The following FHIT variants were observed in gnomAD, a reference collection of about 807,000 sequenced individuals.
The protein encoded by FHIT is fragile histidine triad diadenosine triphosphatase.
FHIT carries 19 observed loss-of-function variants against 17.9 expected under a neutral mutation model. That is an observed-to-expected ratio of 1.06 (90% CI 0.74 to 1.56). The LOEUF (loss-of-function observed/expected upper bound fraction) is 1.56, where lower values mean the gene tolerates loss of function less well. FHIT is among the 40% of genes most tolerant of loss of function. The pLI is 0.00. For synonymous variants in FHIT, 81 were observed against 69.7 expected (o/e 1.16, Z -0.81); for missense variants, 248 against 189.2 (o/e 1.31, Z -1.82).
rs564535105 is a variant in FHIT, at chr3:60,516,696, C to G, written c.103+20164G>C. On this transcript the variant is annotated intron_variant, in intron 5 of 9. Coordinates refer to ENST00000492590, the MANE Select transcript of FHIT (RefSeq NM_002012.4). Reference sequence around the variant, plus strand: ...ATTAATATTTATCAAATGCCTAGAACAATCTCAGAGCATAAATATTATATG... The same window carrying G: ...ATTAATATTTATCAAATGCCTAGAAGAATCTCAGAGCATAAATATTATATG... Among the ~76,000 whole-genome samples, 210 of 152,282 alleles carry G rather than the reference C, an allele frequency of 1.4e-3. 1 individual carries two copies. Among genetic ancestry groups the G allele is most frequent in the African/African-American group, 4.7e-3 (194 of 41,560 alleles).
intron 5 of FHIT, among the ~76,000 whole-genome samples, chr3:60,521,718 T>A (rs1201727204): frequency 6.6e-6 from 1 of 152,180 alleles, no homozygotes; most frequent in African/African-American, 2.4e-5. Context: ...CAAAAAAGAA[T>A]AAATGACCTA....
At chr3:60,009,163 TTATGTGTGTGTG>T (rs749146296) in intron 7 of FHIT, among the ~76,000 whole-genome samples, 6,489 of 128,766 alleles carry the variant, frequency 0.05, 362 homozygotes, top group East Asian at 0.12. Flanking sequence ...CTCTGGGATT[TTATGTGTGTGTG>T]TGTGTGTGTG....
rs938103889 is a variant in FHIT at position 59,818,500 on chromosome 3, C to A, written c.349-66179G>T. Among the ~76,000 whole-genome samples, 33 of 150,126 alleles carry A rather than the reference C, an allele frequency of 2.2e-4. No individual in the cohort carries two copies. The Admixed American group carries it at 2.2e-3, about 10-fold the overall frequency. ...ATCCTGAGTCATTTACAGTAAGATA[C>A]ACGTAAATAATAGTCCAGGAGGTAA... On this transcript the variant is annotated intron_variant, in intron 8 of 9. Transcript: ENST00000492590.
At chr3:60,310,111 C>T (rs1444191522) in intron 5 of FHIT, among the ~76,000 whole-genome samples, 1 of 152,098 alleles carries the variant, frequency 6.6e-6, no homozygotes, top group African/African-American at 2.4e-5. Flanking sequence ...TTATTTACTT[C>T]TCCCACATTT....
intron 4 of FHIT, among the ~76,000 whole-genome samples, chr3:60,658,382 T>G (rs1205927534): frequency 6.6e-6 from 1 of 152,174 alleles, no homozygotes. Flanking sequence ...CATCACTGTC[T>G]TCTTGTGTGG....
At chr3:60,209,350 T>A (rs1703344899) in intron 5 of FHIT, among the ~76,000 whole-genome samples, 1 of 152,152 alleles carries the variant, frequency 6.6e-6, no homozygotes, top group Non-Finnish European at 1.5e-5. Flanking sequence ...AGGGAGATGA[T>A]GACATGATGA....
At chr3:60,298,639 T>A (rs1708315474) in intron 5 of FHIT, among the ~76,000 whole-genome samples, 1 of 152,204 alleles carries the variant, frequency 6.6e-6, no homozygotes, top group South Asian at 2.1e-4. Flanking sequence ...AAACATTCTC[T>A]TCCTTTTATA....
At position 59,999,921 on chromosome 3, in the gene FHIT, T is replaced by G. The variant is rs1699663229; in HGVS notation, c.279+11450A>C. ...CTGTTCCTGGCCAGATCACCTAATTTAAATGTCTGGAAGTAATGCAGGCTT... is the reference window on the plus strand; with the variant it reads ...CTGTTCCTGGCCAGATCACCTAATTGAAATGTCTGGAAGTAATGCAGGCTT... On this transcript the variant is annotated intron_variant, in intron 7 of 9. Transcript: ENST00000492590. Among the ~76,000 whole-genome samples, 3 of 152,114 alleles carry G rather than the reference T, an allele frequency of 2.0e-5. No homozygotes were observed. The South Asian group carries it at 6.2e-4, about 32-fold the overall frequency.
chr3:60,890,747 A>T (rs1553760469), intron 3 of FHIT, among the ~76,000 whole-genome samples: 1 of 152,212 alleles, frequency 6.6e-6, no homozygotes, highest in Non-Finnish European at 1.5e-5. Flanking sequence ...CCTAGAACAG[A>T]CTGCCCTAGG....
intron 8 of FHIT, among the ~76,000 whole-genome samples, chr3:59,861,642 A>G (rs1265115905): frequency 1.3e-5 from 2 of 152,222 alleles, no homozygotes; most frequent in African/African-American, 4.8e-5. Flanking sequence ...ATGAATTGCA[A>G]ATCAATCATA....
chr3:60,027,148 C>CACAAAAA (rs1553654525), intron 5 of FHIT, among the ~76,000 whole-genome samples: 4 of 125,842 alleles, frequency 3.2e-5, no homozygotes, highest in African/African-American at 1.1e-4. Context: ...CACACACACA[C>CACAAAAA]AAAATTAGTA....
chr3:60,992,288 C>T (rs1472402208), intron 3 of FHIT, among the ~76,000 whole-genome samples: 2 of 152,210 alleles, frequency 1.3e-5, no homozygotes, highest in Non-Finnish European at 1.5e-5. Context: ...TGCTCTATAA[C>T]TTGATCTAGA....
At chr3:59,833,290 T>C (rs1388744721) in intron 8 of FHIT, among the ~76,000 whole-genome samples, 1 of 152,152 alleles carries the variant, frequency 6.6e-6, no homozygotes, top group African/African-American at 2.4e-5. Context: ...GATGAGGCCA[T>C]ACTGAAATAG....
At chr3:60,710,074 T>TAAAA (rs782196858) in intron 4 of FHIT, among the ~76,000 whole-genome samples, 1 of 80,582 alleles carries the variant, frequency 1.2e-5, no homozygotes, top group African/African-American at 4.6e-5. Context: ...CACAGAATGC[T>TAAAA]AAAAAAAAAA....
Position 60,457,312 on chromosome 3 carries a change from C to G in FHIT, c.103+79548G>C, listed in dbSNP as rs148190369. Among the ~76,000 whole-genome samples, 1,231 of 152,082 alleles carry G rather than the reference C, an allele frequency of 8.1e-3. 20 individuals carry two copies. The highest frequency in any genetic ancestry group is 0.027 in the African/African-American group (1,139 of 41,478). ...ACCACCTGATCTTTGACAAACCTGA[C>G]AAAAACAAGAAATGGGGAAAGGATT... On this transcript the variant is annotated intron_variant, in intron 5 of 9. Transcript: ENST00000492590.
intron 8 of FHIT, among the ~76,000 whole-genome samples, chr3:59,791,312 C>T (rs371987067): frequency 1.2e-4 from 18 of 152,048 alleles, no homozygotes; most frequent in Admixed American, 5.2e-4. Context: ...ATAGGCATTA[C>T]TGAAGCAGCG....
At chr3:60,785,283 G>A (rs982636668) in intron 4 of FHIT, among the ~76,000 whole-genome samples, 10 of 152,242 alleles carry the variant, frequency 6.6e-5, no homozygotes, top group African/African-American at 2.4e-4. Flanking sequence ...AGTGATGACT[G>A]AGACTAGCCC....
At chr3:61,235,289 T>C (rs1488051329) in intron 1 of FHIT, among the ~76,000 whole-genome samples, 3 of 152,176 alleles carry the variant, frequency 2.0e-5, no homozygotes, top group Non-Finnish European at 4.4e-5. Flanking sequence ...AGCCCTTGTT[T>C]AACCTCTCTG....
In FHIT at chr3:60,414,674, C is replaced by T. The variant is rs371721742; in HGVS notation, c.103+122186G>A. Among the ~76,000 whole-genome samples the T allele has an allele frequency of 3.0e-4, 45 of 152,254 alleles. No homozygotes were observed. The East Asian group carries it at 4.1e-3, about 14-fold the overall frequency. ...TCCAAAGAACCTGATGTTATCAGAGCATATTTAATAGAGAAGATAAAAGAG... is the reference window on the plus strand; with the variant it reads ...TCCAAAGAACCTGATGTTATCAGAGTATATTTAATAGAGAAGATAAAAGAG... On this transcript the variant is annotated intron_variant, in intron 5 of 9. Transcript: ENST00000492590.
Sources: allele counts gnomAD v4.1 joint callset (sites outside exome capture counted in the v4.1 genomes callset), GRCh38; gene constraint gnomAD v4.1.1; transcripts MANE v1.5; gene names NCBI Gene and HGNC (gene_info 2026-07-23, HGNC 2026-07-21).